The following ZNF136 variants were observed in gnomAD, a reference collection of about 807,000 sequenced individuals.
ZNF136 encodes zinc finger protein 136.
In ZNF136, 8 loss-of-function variants were observed where a neutral mutation model predicts 11.4. The observed-to-expected ratio is 0.70, with a 90% CI of 0.41 to 1.27. ZNF136 has a LOEUF of 1.27. Ranked by LOEUF, ZNF136 falls within the 50% of genes most tolerant of loss-of-function variation. ZNF136 has a pLI of 0.01. For synonymous variants in ZNF136, 190 were observed against 207.1 expected (o/e 0.92, Z 0.71); for missense variants, 590 against 656.5 (o/e 0.90, Z 1.11).
chr19:12,178,996 A>G (rs1169300068), intron 1 of ZNF136, among the ~76,000 whole-genome samples: 1 of 151,880 alleles, frequency 6.6e-6, no homozygotes, highest in Non-Finnish European at 1.5e-5. Flanking sequence ...CTCACAAAAG[A>G]AAAAAAAGAA....
intron 1 of ZNF136, among the ~76,000 whole-genome samples, chr19:12,173,317 G>A (rs776268511): frequency 3.3e-5 from 5 of 152,138 alleles, no homozygotes; most frequent in Admixed American, 6.5e-5. Context: ...TCCAATTGCA[G>A]TTCTACGGGG....
At chr19:12,176,714 T>A (rs1914802733) in intron 1 of ZNF136, among the ~76,000 whole-genome samples, 1 of 152,140 alleles carries the variant, frequency 6.6e-6, no homozygotes, top group South Asian at 2.1e-4. Context: ...CCTATCTGCC[T>A]GAAGCAGGGT....
intron 1 of ZNF136, among the ~76,000 whole-genome samples, chr19:12,179,686 T>G (rs1281388144): frequency 2.0e-5 from 3 of 152,156 alleles, no homozygotes; most frequent in Non-Finnish European, 4.4e-5. Flanking sequence ...CTTCTCTGGA[T>G]TGTATACTAT....
chr19:12,186,327 A>T (rs540845905), intron 3 of ZNF136, among the ~76,000 whole-genome samples, 153 bp downstream of exon 3: 3 of 152,330 alleles, frequency 2.0e-5, no homozygotes, highest in Admixed American at 6.5e-5. Flanking sequence ...GTGTAAACAG[A>T]TGTTCAGTTT....
At chr19:12,164,332 C>T (rs1447241982) in intron 1 of ZNF136, among the ~76,000 whole-genome samples, 3 of 152,036 alleles carry the variant, frequency 2.0e-5, no homozygotes, top group Non-Finnish European at 2.9e-5. Context: ...AGTGCAGTGA[C>T]GTGATCTCGG....
intron 1 of ZNF136, chr19:12,163,706 C>T (rs893546): frequency 0.35 from 54,180 of 156,508 alleles, 11,519 homozygotes; most frequent in East Asian, 0.56. Flanking sequence ...ACGCCAACCT[C>T]TCCCCTTCCA....
chr19:12,170,500 A>G (rs1160919100), intron 1 of ZNF136, among the ~76,000 whole-genome samples: 2 of 149,382 alleles, frequency 1.3e-5, no homozygotes, highest in African/African-American at 4.9e-5. Context: ...CAATCCTTCC[A>G]TCTCACCCTC....
chr19:12,167,728 C>T (rs1186376735), intron 1 of ZNF136, among the ~76,000 whole-genome samples: 1 of 152,172 alleles, frequency 6.6e-6, no homozygotes, highest in Non-Finnish European at 1.5e-5. Flanking sequence ...CCACCACACC[C>T]CGTCTCTACC....
At chr19:12,178,148 CT>C (rs1448783300) in intron 1 of ZNF136, among the ~76,000 whole-genome samples, 3 of 152,128 alleles carry the variant, frequency 2.0e-5, no homozygotes, top group Admixed American at 1.3e-4. Flanking sequence ...GGATTGTTTT[CT>C]TGCTATTGAG....
chr19:12,163,504 C>G (rs1218624053), intron 1 of ZNF136, among the ~76,000 whole-genome samples: 1 of 152,252 alleles, frequency 6.6e-6, no homozygotes, highest in Non-Finnish European at 1.5e-5. Context: ...GAAATCCTGA[C>G]TTGTGCGTGG....
At chr19:12,167,722 C>T (rs868688891) in intron 1 of ZNF136, among the ~76,000 whole-genome samples, 1 of 152,174 alleles carries the variant, frequency 6.6e-6, no homozygotes, top group Admixed American at 6.5e-5. Context: ...TGCCTGCCAC[C>T]ACACCCCGTC....
intron 1 of ZNF136, among the ~76,000 whole-genome samples, chr19:12,165,195 GGT>G (rs1469987405): frequency 6.6e-6 from 1 of 152,150 alleles, no homozygotes; most frequent in Non-Finnish European, 1.5e-5. Context: ...ATGCACTTTG[GGT>G]ACACAGTGTC....
intron 1 of ZNF136, among the ~76,000 whole-genome samples, chr19:12,166,407 G>C (rs1977187504): frequency 6.6e-6 from 1 of 152,126 alleles, no homozygotes; most frequent in South Asian, 2.1e-4. Context: ...AAGAAATGGG[G>C]GTGGGGAGAA....
chr19:12,189,211 A>G lies in ZNF136; in HGVS notation c.*1210A>G, dbSNP rs2098136047. 2.0e-5 allele frequency: 3 copies of G among 152,364 alleles called. No homozygotes were observed. The South Asian group carries it at 6.2e-4, about 32-fold the overall frequency. The allele number at this position is 152,364 out of a possible 1,614,324, so 9.4% of individuals were successfully genotyped here. On this transcript the variant is annotated 3_prime_UTR_variant, in exon 4 of 4. Coordinates refer to ENST00000343979, the MANE Select transcript of ZNF136 (RefSeq NM_003437.5). ...CTTAATTGTTCTGTGATTGAGGACC[A>G]CTGAAAAATAAGTCTTAATAAATGT... is the stretch of plus-strand genomic sequence containing the variant.
rs759781279 is a variant in ZNF136 at position 12,187,760 on chromosome 19, A to G, written c.1382A>G (p.Asn461Ser). 4 of 1,611,092 alleles carry G rather than the reference A, an allele frequency of 2.5e-6. No individual in the cohort carries two copies. The highest frequency in any genetic ancestry group is 3.4e-6 in the Non-Finnish European group (4 of 1,179,090). ...KQCGKAFSYL[N>S]SFRTHEMIHT... ...TGTGGGAAAGCCTTCAGTTATCTCA[A>G]CTCCTTTCGAACACATGAAATGATT... The change falls in exon 4 of 4, where the codon AAC (asparagine) becomes AGC (serine). Residue 461 changes from asparagine (N) to serine (S), a missense_variant. By Grantham distance (46) the Asn-to-Ser change is conservative. Transcript: ENST00000343979.
At chr19:12,176,280 G>C (rs1439823611) in intron 1 of ZNF136, among the ~76,000 whole-genome samples, 1 of 152,074 alleles carries the variant, frequency 6.6e-6, no homozygotes, top group Non-Finnish European at 1.5e-5. Context: ...GGCCTATGAT[G>C]AGGTTTGTGT....
At chr19:12,184,634 T>C (rs371430320) in intron 1 of ZNF136, 1 of 151,768 alleles carries the variant, frequency 6.6e-6, no homozygotes, top group African/African-American at 2.4e-5. Flanking sequence ...GCAGGATAGG[T>C]ACAAGCTTGC....
chr19:12,185,282 TGTC>T (rs1915053344), intron 1 of ZNF136: 1 of 152,398 alleles, frequency 6.6e-6, no homozygotes, highest in Non-Finnish European at 1.5e-5. Flanking sequence ...TCGCTGTTCT[TGTC>T]GTCTGCTGGT....
chr19:12,181,495 T>C (rs1204140065), intron 1 of ZNF136, among the ~76,000 whole-genome samples: 1 of 151,200 alleles, frequency 6.6e-6, no homozygotes, highest in South Asian at 2.1e-4. Context: ...TTTTTTTTGG[T>C]GGAGTCTCAT....
Sources: allele counts gnomAD v4.1 joint callset (sites outside exome capture counted in the v4.1 genomes callset), GRCh38; gene constraint gnomAD v4.1.1; transcripts MANE v1.5; gene names NCBI Gene and HGNC (gene_info 2026-07-23, HGNC 2026-07-21).